The following ITGAX variants were observed in gnomAD, a reference collection of about 807,000 sequenced individuals.
ITGAX encodes integrin alpha-X.
ITGAX carries 99 observed loss-of-function variants against 140.2 expected under a neutral mutation model. The observed-to-expected ratio is 0.71, with a 90% CI of 0.60 to 0.83. The LOEUF is 0.83. Among genes scored for constraint, ITGAX ranks in the 40% least tolerant of loss-of-function variants. ITGAX has a pLI of 0.00. For missense variants in ITGAX, 1,444 were observed against 1,482.0 expected (o/e 0.97, Z 0.42); for synonymous variants, 631 against 600.4 (o/e 1.05, Z -0.75).
chr16:31,372,340 C>T (rs1327574886), intron 17 of ITGAX, 38 bp from the exon 18 acceptor site: 6 of 1,579,256 alleles, frequency 3.8e-6, no homozygotes, highest in African/African-American at 1.4e-5. Flanking sequence ...CTCTTACCCT[C>T]CCCTTACCCT....
At position 31,362,772 on chromosome 16, in the gene ITGAX, C is replaced by T; in HGVS notation, c.1359+19C>T. On this transcript the variant is annotated intron_variant, in intron 12 of 29. Coordinates refer to ENST00000268296, the MANE Select transcript of ITGAX (RefSeq NM_000887.5). ...GACTCAGGTTGGGCGTGACAGGAGC[C>T]AGAGGGGAGGATGAGGGTAGGGGAG... is the stretch of plus-strand genomic sequence containing the variant. 1 of 1,612,982 alleles carries T rather than the reference C, an allele frequency of 6.2e-7. No homozygotes were observed. The highest frequency in any genetic ancestry group is 1.1e-5 in the South Asian group (1 of 91,032).
At chr16:31,365,649 G>A (rs144598373) in intron 14 of ITGAX, among the ~76,000 whole-genome samples, 35 of 152,324 alleles carry the variant, frequency 2.3e-4, no homozygotes, top group Admixed American at 9.8e-4. Flanking sequence ...CTGGCCAGGC[G>A]CGGTGGCTCC....
intron 19 of ITGAX, 145 bp from the exon 20 acceptor site, chr16:31,373,103 AG>A: frequency 5.5e-5 from 5 of 91,354 alleles, no homozygotes; most frequent in East Asian, 0.1. Flanking sequence ...TTAAAAAAAA[AG>A]AAGAAGAAGA....
chr16:31,355,841 C>T, intron 1 of ITGAX, 52 bp from the exon 2 acceptor site: 1 of 1,420,928 alleles, frequency 7.0e-7, no homozygotes, highest in East Asian at 2.3e-5. Flanking sequence ...TGGAGGGCAG[C>T]CAGGCAGAAG....
intron 9 of ITGAX, 134 bp from the exon 10 acceptor site, chr16:31,361,701 CA>C (rs2080827813): frequency 1.0e-6 from 1 of 991,046 alleles, no homozygotes; most frequent in Non-Finnish European, 1.6e-6. Flanking sequence ...ATCTGGAGGG[CA>C]GAGCCTGGTC....
chr16:31,368,921 G>A (rs999992475), intron 14 of ITGAX, among the ~76,000 whole-genome samples: 4 of 152,216 alleles, frequency 2.6e-5, no homozygotes, highest in Admixed American at 6.5e-5. Flanking sequence ...CACAGGGTTG[G>A]GGGTAAGGTC....
Position 31,382,152 on chromosome 16 carries a change from C to T in ITGAX, c.*245C>T. 7.1e-7 allele frequency: 1 copy of T among 1,408,490 alleles called. No individual in the cohort carries two copies. The highest frequency in any genetic ancestry group is 3.0e-5 in the Admixed American group (1 of 33,072). The allele number at this position is 1,408,490 out of a possible 1,614,324, so 87.2% of individuals were successfully genotyped here. A position where few individuals can be genotyped will look rare whatever the true frequency, so the allele number is the denominator to read the frequency against. ...AAAGGACTTGACTTGCAATTTCTAC[C>T]TAGAAATACATGGACAATACCCCCA... On this transcript the variant is annotated 3_prime_UTR_variant, in exon 30 of 30. Coordinates refer to ENST00000268296, the MANE Select transcript of ITGAX (RefSeq NM_000887.5).
Position 31,371,350 on chromosome 16 carries a change from T to C in ITGAX, c.1858T>C (p.Trp620Arg). 6.2e-7 allele frequency: 1 copy of C among 1,614,168 alleles called. No homozygotes were observed. Among genetic ancestry groups the C allele is most frequent in the Non-Finnish European group, 8.5e-7 (1 of 1,180,024 alleles). ...VLLLRTRPVL[W>R]VGVSMQFIPA... ...TGCCCGCAGGACCAGACCTGTGCTC[T>C]GGGTGGGGGTGAGCATGCAGTTCAT... The change falls in exon 16 of 30, where the codon TGG (tryptophan) becomes CGG (arginine). Residue 620 changes from tryptophan (W) to arginine (R), a missense_variant. Transcript: ENST00000268296.
At position 31,380,247 on chromosome 16, in the gene ITGAX, G is replaced by A. The variant is rs946176528; in HGVS notation, c.3061-19G>A. 6.2e-7 allele frequency: 1 copy of A among 1,610,860 alleles called. No individual in the cohort carries two copies. Among genetic ancestry groups the A allele is most frequent in the Non-Finnish European group, 8.5e-7 (1 of 1,178,074 alleles). ...TCACACTCATCTTTCTCAGCCCCAT[G>A]CTATTTATCTGCCCCCAGGACTGCT... On this transcript the variant is annotated intron_variant, in intron 26 of 29. Transcript: ENST00000268296.
At chr16:31,379,199 C>T (rs540377056) in intron 23 of ITGAX, among the ~76,000 whole-genome samples, 2 of 152,188 alleles carry the variant, frequency 1.3e-5, no homozygotes, top group South Asian at 4.1e-4. Flanking sequence ...TCACTGCAAC[C>T]TCTGTCCCCT....
At chr16:31,366,934 GAA>G (rs1289549842) in intron 14 of ITGAX, among the ~76,000 whole-genome samples, 2 of 152,202 alleles carry the variant, frequency 1.3e-5, no homozygotes, top group African/African-American at 4.8e-5. Context: ...TGAATGCAAA[GAA>G]AAAGTTATTG....
At chr16:31,360,892 A>T (rs1301552697) in intron 8 of ITGAX, 171 bp from the exon 9 acceptor site, 6 of 621,982 alleles carry the variant, frequency 9.6e-6, no homozygotes, top group Non-Finnish European at 2.8e-6. Context: ...CAGACTGGAG[A>T]CCATGATCCT....
At chr16:31,359,430 C>T (rs1409676873) in intron 5 of ITGAX, among the ~76,000 whole-genome samples, 2 of 152,182 alleles carry the variant, frequency 1.3e-5, no homozygotes, top group African/African-American at 4.8e-5. Flanking sequence ...TCCCAAAGTA[C>T]TGGGATTACA....
chr16:31,371,301 C>A lies in ITGAX; in HGVS notation c.1842-33C>A, dbSNP rs373955689. On this transcript the variant is annotated intron_variant, in intron 15 of 29. Coordinates refer to ENST00000268296, the MANE Select transcript of ITGAX (RefSeq NM_000887.5). The stretch of plus-strand genomic sequence containing the variant: ...CCCACGTGGTGCTCCCAGGAGCCGA[C>A]GGCCTGTCCTCAGCTCGGTGCTCTG... The A allele has an allele frequency of 1.8e-4, 283 of 1,610,858 alleles. 1 individual carries two copies. The African/African-American group carries it at 3.1e-3, about 17-fold the overall frequency.
At chr16:31,373,194 C>A (rs1262937018) in intron 19 of ITGAX, 55 bp from the exon 20 acceptor site, 151 of 1,442,940 alleles carry the variant, frequency 1.0e-4, no homozygotes, top group Non-Finnish European at 1.4e-4. Context: ...TATCCCAGAC[C>A]ATTTCTAGCC....
At position 31,355,955 on chromosome 16, in the gene ITGAX, A is replaced by AG. The variant is rs1383418878; in HGVS notation, c.101dup (p.Ser34ArgfsTer44). On this transcript the variant is annotated frameshift_variant, in exon 2 of 30. Coordinates refer to ENST00000268296, the MANE Select transcript of ITGAX (RefSeq NM_000887.5). LOFTEE classifies it high-confidence loss of function. The stretch of plus-strand genomic sequence containing the variant: ...GGAGCTGACAGCCTTCCGTGTGGAC[A>AG]GCGCTGGGTTTGGAGACAGCGTGGT... 6.2e-7 allele frequency: 1 copy of AG among 1,613,912 alleles called. No homozygotes were observed. Among genetic ancestry groups the AG allele is most frequent in the South Asian group, 1.1e-5 (1 of 91,066 alleles).
intron 8 of ITGAX, 63 bp downstream of exon 8, chr16:31,360,526 G>C: frequency 6.9e-7 from 1 of 1,439,820 alleles, no homozygotes; most frequent in Non-Finnish European, 9.5e-7. Context: ...TCCCCTTTCT[G>C]TGTATGTTCT....
At chr16:31,372,171 G>GT (rs1555477554) in intron 17 of ITGAX, among the ~76,000 whole-genome samples, 3 of 151,628 alleles carry the variant, frequency 2.0e-5, no homozygotes, top group South Asian at 2.1e-4. Flanking sequence ...GGTCTGGGGG[G>GT]GGGGAGGAAA....
At chr16:31,359,274 T>TTCTGCC (rs2080794462) in intron 5 of ITGAX, among the ~76,000 whole-genome samples, 1 of 152,150 alleles carries the variant, frequency 6.6e-6, no homozygotes, top group Non-Finnish European at 1.5e-5. Flanking sequence ...GTTCAAGCAA[T>TTCTGCC]TCTGCCTCTG....
Sources: gnomAD v4.1 joint callset for allele counts (sites outside exome capture counted in the v4.1 genomes callset) on GRCh38, gnomAD v4.1.1 for gene constraint, MANE v1.5 for transcripts, NCBI Gene and HGNC (gene_info 2026-07-23, HGNC 2026-07-21) for gene names.